ARB2A: variants seen among roughly 807,000 people sequenced by gnomAD.
The protein encoded by ARB2A is ARB2 cotranscriptional regulator A.
the ARB2A span, among the ~76,000 whole-genome samples, chr5:93,908,568 T>C: frequency 2.0e-5 from 3 of 150,806 alleles, no homozygotes; most frequent in African/African-American, 7.3e-5. Context: ...CTGAAGTAAA[T>C]TTAGCTATTT....
chr5:94,018,105 T>C, the ARB2A span, among the ~76,000 whole-genome samples: 1 of 152,182 alleles, frequency 6.6e-6, no homozygotes, highest in African/African-American at 2.4e-5. Context: ...TTAAACATAT[T>C]TTCATTCCCA....
At chr5:93,637,354 G>GTTTTTTT in the ARB2A span, among the ~76,000 whole-genome samples, 28 of 116,084 alleles carry the variant, frequency 2.4e-4, no homozygotes, top group East Asian at 8.3e-4. Flanking sequence ...GGGTTGTTTA[G>GTTTTTTT]TTTTTTTTTT....
the ARB2A span, among the ~76,000 whole-genome samples, chr5:93,969,321 G>A: frequency 6.6e-6 from 1 of 152,012 alleles, no homozygotes; most frequent in East Asian, 1.9e-4. Flanking sequence ...TAAGGTACTT[G>A]TACTACACAT....
the ARB2A span, among the ~76,000 whole-genome samples, chr5:93,788,092 CA>C: frequency 6.6e-6 from 1 of 151,862 alleles, no homozygotes; most frequent in Non-Finnish European, 1.5e-5. Flanking sequence ...CCTAGTCTGG[CA>C]AAAGTTTAAG....
chr5:93,834,071 C>T, the ARB2A span, among the ~76,000 whole-genome samples: 5 of 152,258 alleles, frequency 3.3e-5, no homozygotes, highest in East Asian at 3.9e-4. Context: ...CCATTTGACA[C>T]AAAAACATGT....
the ARB2A span, among the ~76,000 whole-genome samples, chr5:93,990,221 T>C: frequency 3.9e-5 from 6 of 152,126 alleles, no homozygotes; most frequent in East Asian, 1.9e-4. Context: ...AATTTTATCA[T>C]GTCTCAGAGT....
At chr5:93,704,750 T>C in the ARB2A span, among the ~76,000 whole-genome samples, 3 of 152,206 alleles carry the variant, frequency 2.0e-5, no homozygotes, top group Non-Finnish European at 2.9e-5. Context: ...CCACACGGAG[T>C]GTGTCCCCTT....
At chr5:93,996,603 T>C in the ARB2A span, among the ~76,000 whole-genome samples, 2 of 152,210 alleles carry the variant, frequency 1.3e-5, no homozygotes, top group East Asian at 3.9e-4. Flanking sequence ...CTACTTAAAT[T>C]ATTCTATAAT....
chr5:94,043,328 T>C, the ARB2A span, among the ~76,000 whole-genome samples: 2 of 152,192 alleles, frequency 1.3e-5, no homozygotes, highest in Non-Finnish European at 2.9e-5. Context: ...TTTTGAGCTA[T>C]TTACAGATTT....
the ARB2A span, chr5:94,056,061 T>C: frequency 2.8e-6 from 1 of 360,428 alleles, no homozygotes; most frequent in Non-Finnish European, 3.9e-6. Context: ...TAAAATGGCT[T>C]GTCCAAAATC....
At chr5:93,651,071 T>C in the ARB2A span, among the ~76,000 whole-genome samples, 3 of 151,914 alleles carry the variant, frequency 2.0e-5, no homozygotes, top group Non-Finnish European at 4.4e-5. Flanking sequence ...TGACAGCTGA[T>C]TTCTCATCAG....
At chr5:93,852,793 T>C in the ARB2A span, among the ~76,000 whole-genome samples, 1 of 152,208 alleles carries the variant, frequency 6.6e-6, no homozygotes, top group Non-Finnish European at 1.5e-5. Flanking sequence ...CTGAGGGCTC[T>C]GTTCTGTTCC....
At chr5:93,989,562 C>T in the ARB2A span, among the ~76,000 whole-genome samples, 3 of 152,218 alleles carry the variant, frequency 2.0e-5, no homozygotes, top group South Asian at 2.1e-4. Flanking sequence ...TTATATACTA[C>T]GGATCCTTTC....
At chr5:94,061,537 C>A in the ARB2A span, among the ~76,000 whole-genome samples, 2 of 152,062 alleles carry the variant, frequency 1.3e-5, no homozygotes, top group Admixed American at 6.5e-5. Context: ...TGATTGTCTA[C>A]GTAGAAAATC....
the ARB2A span, among the ~76,000 whole-genome samples, chr5:94,100,659 A>G: frequency 1.3e-5 from 2 of 152,186 alleles, no homozygotes; most frequent in Non-Finnish European, 2.9e-5. Context: ...CTAATCTTTG[A>G]CAAAGCTGAC....
At chr5:93,896,725 C>T in the ARB2A span, among the ~76,000 whole-genome samples, 1 of 152,008 alleles carries the variant, frequency 6.6e-6, no homozygotes, top group African/African-American at 2.4e-5. Context: ...TACATTTTAA[C>T]ATTTTCTTCA....
At chr5:93,886,065 A>G in the ARB2A span, among the ~76,000 whole-genome samples, 1 of 151,740 alleles carries the variant, frequency 6.6e-6, no homozygotes, top group Non-Finnish European at 1.5e-5. Context: ...AATAGATAAA[A>G]CATTAAAATG....
At chr5:93,623,271 G>T in the ARB2A span, among the ~76,000 whole-genome samples, 1 of 141,386 alleles carries the variant, frequency 7.1e-6, no homozygotes, top group Non-Finnish European at 1.5e-5. Flanking sequence ...AAAAAAAAAA[G>T]GTGTTAATTG....
chr5:93,682,753 T>A, the ARB2A span: 1 of 765,430 alleles, frequency 1.3e-6, no homozygotes, highest in South Asian at 1.4e-5. Context: ...TCACTCTGCA[T>A]TATAAAAAGG....
Sources: gnomAD v4.1 joint callset for allele counts (sites outside exome capture counted in the v4.1 genomes callset) on GRCh38, gnomAD v4.1.1 for gene constraint, MANE v1.5 for transcripts, NCBI Gene and HGNC (gene_info 2026-07-23, HGNC 2026-07-21) for gene names.